Variants in SLC26A8 observed in about 807,000 individuals in gnomAD.
SLC26A8 encodes testis anion transporter 1.
SLC26A8 carries 70 observed loss-of-function variants against 105.0 expected under a neutral mutation model. The observed-to-expected ratio is 0.67, with a 90% CI of 0.55 to 0.81. The LOEUF (loss-of-function observed/expected upper bound fraction) is 0.81. SLC26A8 is among the 40% of genes least tolerant of loss of function. The probability of loss-of-function intolerance (pLI) is 0.00; values close to 1 mark genes in which losing one functional copy is unlikely to be tolerated. For synonymous variants in SLC26A8, 415 were observed against 438.3 expected (o/e 0.95, Z 0.66); for missense variants, 998 against 1,181.8 (o/e 0.84, Z 2.28).
rs117475331 is a variant in SLC26A8 at position 35,945,348 on chromosome 6, C to A, written c.2473-1008G>T. On this transcript the variant is annotated intron_variant, in intron 19 of 19. Coordinates refer to ENST00000490799, the MANE Select transcript of SLC26A8 (RefSeq NM_052961.4). ...TTTCATGACCAACCATTTAAAACAG[C>A]AATGGACTTAACAACATTCTGAAAC... 1.9e-3 allele frequency among the ~76,000 whole-genome samples: 292 copies of A among 152,258 alleles called. 5 individuals carry two copies. The East Asian group carries it at 0.033, about 17-fold the overall frequency.
intron 3 of SLC26A8, among the ~76,000 whole-genome samples, chr6:36,005,411 C>A (rs930847018): frequency 6.6e-6 from 1 of 152,100 alleles, no homozygotes; most frequent in Non-Finnish European, 1.5e-5. Flanking sequence ...GTTATTTCCC[C>A]TTATTCCTGC....
At chr6:35,987,303 T>A (rs191616112) in intron 7 of SLC26A8, among the ~76,000 whole-genome samples, 1 of 152,302 alleles carries the variant, frequency 6.6e-6, no homozygotes, top group East Asian at 1.9e-4. Context: ...CATGGTGGGT[T>A]GGTATCTCTC....
intron 19 of SLC26A8, among the ~76,000 whole-genome samples, chr6:35,950,095 C>T (rs575479585): frequency 2.0e-5 from 3 of 152,228 alleles, no homozygotes; most frequent in African/African-American, 7.2e-5. Context: ...TCTCGCCCGC[C>T]CGTTGTACGG....
At chr6:35,966,533 ATGTTCTAC>A (rs1772523740) in intron 11 of SLC26A8, among the ~76,000 whole-genome samples, 1 of 152,202 alleles carries the variant, frequency 6.6e-6, no homozygotes. Flanking sequence ...AACCACTGGT[ATGTTCTAC>A]ATTTTTCTTC....
At chr6:35,977,835 A>G (rs947400192) in intron 8 of SLC26A8, among the ~76,000 whole-genome samples, 14 of 152,198 alleles carry the variant, frequency 9.2e-5, no homozygotes, top group African/African-American at 3.4e-4. Context: ...CTGCAATCCC[A>G]GCACTTTGGG....
At position 35,943,879 on chromosome 6, in the gene SLC26A8, C is replaced by A. The variant is rs1771567455; in HGVS notation, c.*21G>T. 9.3e-6 allele frequency: 15 copies of A among 1,606,232 alleles called. No homozygotes were observed. The highest frequency in any genetic ancestry group is 1.3e-5 in the Non-Finnish European group (15 of 1,174,418). ...GGAGGATTTGCCAGCATTATCTGAC[C>A]CCTTATTTCTAGTTCATCTCCTAGA... On this transcript the variant is annotated 3_prime_UTR_variant, in exon 20 of 20. Coordinates refer to ENST00000490799, the MANE Select transcript of SLC26A8 (RefSeq NM_052961.4).
intron 12 of SLC26A8, among the ~76,000 whole-genome samples, chr6:35,962,243 G>C (rs1052001686): frequency 6.8e-6 from 1 of 147,916 alleles, no homozygotes; most frequent in Admixed American, 6.7e-5. Context: ...AAAAAAAAAA[G>C]TTATCCAAAT....
At chr6:35,970,241 G>T (rs181191630) in intron 10 of SLC26A8, among the ~76,000 whole-genome samples, 2 of 152,236 alleles carry the variant, frequency 1.3e-5, no homozygotes. Flanking sequence ...TACGTAGGGG[G>T]GGAAAACACA....
chr6:35,952,883 G>A (rs190229712), intron 17 of SLC26A8, among the ~76,000 whole-genome samples: 51 of 152,058 alleles, frequency 3.4e-4, no homozygotes, highest in Non-Finnish European at 1.9e-4. Flanking sequence ...GTGTGGTGGT[G>A]TGCGCCTGTA....
intron 7 of SLC26A8, among the ~76,000 whole-genome samples, chr6:35,990,691 A>G (rs1184208482): frequency 6.6e-6 from 1 of 152,242 alleles, no homozygotes; most frequent in Non-Finnish European, 1.5e-5. Flanking sequence ...ACATTTATGT[A>G]GAAAAAGACG....
At chr6:36,016,799 CATT>C (rs1312847362) in intron 2 of SLC26A8, among the ~76,000 whole-genome samples, 1 of 152,098 alleles carries the variant, frequency 6.6e-6, no homozygotes, top group Non-Finnish European at 1.5e-5. Context: ...TATATACAAA[CATT>C]AATTCAAAAA....
chr6:35,985,692 C>CAAAAA (rs58199602), intron 7 of SLC26A8, among the ~76,000 whole-genome samples: 7 of 46,948 alleles, frequency 1.5e-4, no homozygotes, highest in Admixed American at 2.7e-4. Context: ...GACTCCGTCT[C>CAAAAA]AAAAAAAAAA....
intron 3 of SLC26A8, among the ~76,000 whole-genome samples, chr6:36,010,222 C>A (rs1022246248): frequency 6.6e-6 from 1 of 152,028 alleles, no homozygotes; most frequent in African/African-American, 2.4e-5. Context: ...AAACAAGCTG[C>A]GATGTATCCA....
chr6:36,014,661 C>A (rs1294660032), intron 2 of SLC26A8, among the ~76,000 whole-genome samples: 2 of 152,098 alleles, frequency 1.3e-5, no homozygotes, highest in African/African-American at 4.8e-5. Context: ...GCGGGCGGAT[C>A]ACAAGGTCAG....
Position 35,992,642 on chromosome 6 carries a change from A to C in SLC26A8, c.660T>G (p.Ile220Met), listed in dbSNP as rs776250971. 3 of 1,613,454 alleles carry C rather than the reference A, an allele frequency of 1.9e-6. No individual in the cohort carries two copies. The highest frequency in any genetic ancestry group is 2.2e-5 in the South Asian group (2 of 90,990). ...LIMGVLGLGFIATYLPESAMS... is the reference protein window; with the variant it reads ...LIMGVLGLGFMATYLPESAMS... ...TTGCAGACTCCGGAAGGTAAGTGGC[A>C]ATGAAGCCCAAACCCAATACGCCCA... is the stretch of plus-strand genomic sequence containing the variant. The change falls in exon 6 of 20, where the codon ATT (isoleucine) becomes ATG (methionine). Residue 220 changes from isoleucine to methionine, a missense_variant. Coordinates refer to ENST00000490799, the MANE Select transcript of SLC26A8 (RefSeq NM_052961.4).
At chr6:35,994,599 G>A (rs6922878) in intron 5 of SLC26A8, among the ~76,000 whole-genome samples, 58,551 of 141,022 alleles carry the variant, frequency 0.42, 12,246 homozygotes, top group South Asian at 0.55. Flanking sequence ...TTTTTGAGAC[G>A]GAGTCTTGCT....
intron 8 of SLC26A8, 58 bp from the exon 9 acceptor site, chr6:35,977,409 G>T: frequency 6.5e-7 from 1 of 1,536,334 alleles, no homozygotes; most frequent in Admixed American, 1.9e-5. Flanking sequence ...TGGTACCTCC[G>T]CCACTCTATT....
chr6:35,978,224 T>C, intron 8 of SLC26A8, among the ~76,000 whole-genome samples: 1 of 148,406 alleles, frequency 6.7e-6, no homozygotes, highest in Admixed American at 6.7e-5. Context: ...TTTTAGAAAG[T>C]CAATATATAA....
intron 2 of SLC26A8, among the ~76,000 whole-genome samples, chr6:36,016,247 C>G (rs1392906180): frequency 6.6e-6 from 1 of 152,130 alleles, no homozygotes; most frequent in African/African-American, 2.4e-5. Flanking sequence ...CCCACCTCAG[C>G]CTCCCAAAGT....
Sources: gnomAD v4.1 joint callset for allele counts (sites outside exome capture counted in the v4.1 genomes callset) on GRCh38, gnomAD v4.1.1 for gene constraint, MANE v1.5 for transcripts, NCBI Gene and HGNC (gene_info 2026-07-23, HGNC 2026-07-21) for gene names.